PDE4B: variants seen among roughly 807,000 people sequenced by gnomAD.
PDE4B encodes phosphodiesterase 4B, also known as 3',5'-cyclic-AMP phosphodiesterase 4B.
PDE4B carries 20 observed loss-of-function variants against 82.2 expected under a neutral mutation model. The observed-to-expected ratio is 0.24, with a 90% CI of 0.17 to 0.35. The LOEUF (loss-of-function observed/expected upper bound fraction) is 0.35, where lower values mean the gene tolerates loss of function less well. PDE4B is among the 10% of genes least tolerant of loss of function. PDE4B has a pLI of 1.00. For synonymous variants in PDE4B, 320 were observed against 318.9 expected, an observed-to-expected ratio of 1.00 and a Z score of -0.04; for missense variants, 655 against 907.2, an observed-to-expected ratio of 0.72 and a Z score of 3.57.
chr1:65,876,618 C>T (rs925965466), intron 1 of PDE4B, among the ~76,000 whole-genome samples: 1 of 151,700 alleles, frequency 6.6e-6, no homozygotes, highest in African/African-American at 2.4e-5. Flanking sequence ...GCCAGAGTTC[C>T]CCAAATATAT....
At chr1:65,968,008 A>T (rs569746642) in intron 3 of PDE4B, among the ~76,000 whole-genome samples, 1 of 152,268 alleles carries the variant, frequency 6.6e-6, no homozygotes, top group East Asian at 1.9e-4. Context: ...CCTAGAACTT[A>T]AAGTATAATT....
intron 7 of PDE4B, among the ~76,000 whole-genome samples, chr1:66,292,874 C>T (rs1311036545): frequency 6.6e-6 from 1 of 152,030 alleles, no homozygotes; most frequent in African/African-American, 2.4e-5. Flanking sequence ...TTTTTCTATC[C>T]TAAGGAAGTT....
At chr1:65,810,590 A>T (rs1645807405) in intron 1 of PDE4B, among the ~76,000 whole-genome samples, 1 of 152,076 alleles carries the variant, frequency 6.6e-6, no homozygotes, top group African/African-American at 2.4e-5. Context: ...TATAACTTAG[A>T]TATATTTATT....
intron 3 of PDE4B, among the ~76,000 whole-genome samples, chr1:66,072,083 C>T (rs1322711235): frequency 6.6e-6 from 1 of 152,068 alleles, no homozygotes; most frequent in Non-Finnish European, 1.5e-5. Flanking sequence ...ACCCCTAAGC[C>T]ACCACACGTA....
intron 3 of PDE4B, among the ~76,000 whole-genome samples, chr1:66,078,677 A>G (rs192924728): frequency 2.8e-3 from 430 of 152,272 alleles, no homozygotes; most frequent in Non-Finnish European, 4.7e-3. Flanking sequence ...TCGTCTTTTA[A>G]AAATCATGAC....
chr1:65,958,759 C>T (rs1021765621), intron 3 of PDE4B, among the ~76,000 whole-genome samples: 7 of 149,326 alleles, frequency 4.7e-5, no homozygotes, highest in African/African-American at 1.0e-4. Flanking sequence ...CGCGCGCGCG[C>T]GCGCGCACAC....
intron 3 of PDE4B, among the ~76,000 whole-genome samples, chr1:66,218,443 A>G (rs1650682148): frequency 6.6e-6 from 1 of 152,094 alleles, no homozygotes; most frequent in African/African-American, 2.4e-5. Context: ...AGGTAGGGAG[A>G]TGACTCCAGC....
chr1:65,882,873 G>A (rs1181193603), intron 1 of PDE4B, among the ~76,000 whole-genome samples: 2 of 152,190 alleles, frequency 1.3e-5, no homozygotes, highest in Non-Finnish European at 2.9e-5. Flanking sequence ...AGTAGGAGAT[G>A]TTGAAGACCA....
At chr1:66,011,275 G>T (rs2100739543) in intron 3 of PDE4B, among the ~76,000 whole-genome samples, 1 of 149,030 alleles carries the variant, frequency 6.7e-6, no homozygotes, top group Non-Finnish European at 1.5e-5. Context: ...TTCTATGGAT[G>T]GAAAGCTGGA....
At chr1:65,806,395 A>G (rs1645755151) in intron 1 of PDE4B, among the ~76,000 whole-genome samples, 1 of 152,212 alleles carries the variant, frequency 6.6e-6, no homozygotes, top group Non-Finnish European at 1.5e-5. Flanking sequence ...TACACAATTA[A>G]TTTTATTTTT....
intron 3 of PDE4B, among the ~76,000 whole-genome samples, chr1:65,977,935 C>T (rs993356733): frequency 6.6e-6 from 1 of 152,054 alleles, no homozygotes; most frequent in Non-Finnish European, 1.5e-5. Flanking sequence ...GCATATTTTA[C>T]ATCCTGCAAA....
chr1:66,074,684 C>G (rs1221982042), intron 3 of PDE4B, among the ~76,000 whole-genome samples: 1 of 108,598 alleles, frequency 9.2e-6, no homozygotes, highest in Non-Finnish European at 1.9e-5. Flanking sequence ...TTCTATTTCT[C>G]TCTATATGAA....
chr1:65,974,982 A>T (rs1379957677), intron 3 of PDE4B, among the ~76,000 whole-genome samples: 3 of 152,200 alleles, frequency 2.0e-5, no homozygotes, highest in Admixed American at 6.5e-5. Context: ...GACAGCTGAA[A>T]ATGTGGAAGC....
chr1:65,915,577 C>T (rs556682462), intron 2 of PDE4B, among the ~76,000 whole-genome samples: 11 of 152,240 alleles, frequency 7.2e-5, no homozygotes, highest in African/African-American at 2.4e-4. Flanking sequence ...CAAGTAACAA[C>T]AGCAACAAAA....
chr1:65,847,191 G>A (rs372616632), intron 1 of PDE4B, among the ~76,000 whole-genome samples: 3 of 152,294 alleles, frequency 2.0e-5, no homozygotes, highest in African/African-American at 4.8e-5. Flanking sequence ...CATGTATTGA[G>A]CTCTTACTAT....
At chr1:66,230,990 C>T (rs1651903094) in intron 3 of PDE4B, among the ~76,000 whole-genome samples, 2 of 149,294 alleles carry the variant, frequency 1.3e-5, no homozygotes, top group South Asian at 2.1e-4. Flanking sequence ...GCCGAGATTG[C>T]ACCACTGCAC....
At chr1:66,218,255 T>C (rs1201275288) in intron 3 of PDE4B, among the ~76,000 whole-genome samples, 1 of 152,048 alleles carries the variant, frequency 6.6e-6, no homozygotes. Context: ...TCGGCCGATA[T>C]CTCAAATGCA....
At chr1:66,149,089 C>A (rs917870300) in intron 3 of PDE4B, among the ~76,000 whole-genome samples, 44 of 152,206 alleles carry the variant, frequency 2.9e-4, no homozygotes, top group Middle Eastern at 3.2e-3. Flanking sequence ...TCAATCCCTT[C>A]AGCAATGAAT....
chr1:66,125,203 G>A (rs371416851), intron 3 of PDE4B, among the ~76,000 whole-genome samples: 5 of 140,200 alleles, frequency 3.6e-5, no homozygotes, highest in African/African-American at 5.4e-5. Context: ...TCACTCTGTC[G>A]CCAAGGCTGG....
Sources: allele counts gnomAD v4.1 joint callset (sites outside exome capture counted in the v4.1 genomes callset), GRCh38; gene constraint gnomAD v4.1.1; transcripts MANE v1.5; gene names NCBI Gene and HGNC (gene_info 2026-07-23, HGNC 2026-07-21).